CERS5: variants seen among roughly 807,000 people sequenced by gnomAD.
CERS5 encodes ceramide synthase 5, also known as LAG1 homolog, ceramide synthase 5.
CERS5 carries 37 observed loss-of-function variants against 58.9 expected under a neutral mutation model. That is an observed-to-expected ratio of 0.63 (90% CI 0.48 to 0.83). CERS5 has a LOEUF of 0.83. Among genes scored for constraint, CERS5 ranks in the 40% least tolerant of loss-of-function variants. The pLI is 0.00. For missense variants in CERS5, 398 were observed against 489.3 expected (o/e 0.81, Z 1.76); for synonymous variants, 147 against 177.8 (o/e 0.83, Z 1.38).
intron 1 of CERS5, chr12:50,144,470 A>G: frequency 3.3e-6 from 1 of 298,866 alleles, no homozygotes; most frequent in East Asian, 6.0e-5. Flanking sequence ...GATAATGTAT[A>G]TGAAAGACCC....
intron 1 of CERS5, among the ~76,000 whole-genome samples, chr12:50,155,823 C>T (rs1252598134): frequency 2.0e-5 from 3 of 149,584 alleles, no homozygotes; most frequent in South Asian, 4.2e-4. Context: ...AATTAGTGGC[C>T]GGGCATGGTG....
rs759022271 is a variant in CERS5, at chr12:50,137,724, T to A, written c.636+4A>T. 4 of 1,564,016 alleles carry A rather than the reference T, an allele frequency of 2.6e-6. No homozygotes were observed. Among genetic ancestry groups the A allele is most frequent in the Non-Finnish European group, 3.5e-6 (4 of 1,137,710 alleles). ...TGGGGAATTGAGGGAGCCAACGTCC[T>A]TACCTTTCTTTTAATGTCTGTAAAC... On this transcript the variant is annotated splice_donor_region_variant and intron_variant, in intron 6 of 9. Transcript: ENST00000317551.
rs778080098 is a variant in CERS5, at chr12:50,134,619, G to A, written c.956C>T (p.Thr319Ile). The change falls in exon 9 of 10, where the codon ACC becomes ATC. Residue 319 changes from threonine (T) to isoleucine (I), a missense_variant. Coordinates refer to ENST00000317551, the MANE Select transcript of CERS5 (RefSeq NM_147190.5). The stretch of plus-strand genomic sequence containing the variant: ...CCAGATGACATGCAGAAGCTGTAGG[G>A]TCAGCAGCAGGCCATTGAGGAGCCA... ...SWWLLNGLLL[T>I]LQLLHVIWSY... 71 of 1,614,004 alleles carry A rather than the reference G, an allele frequency of 4.4e-5. No homozygotes were observed. Among genetic ancestry groups the A allele is most frequent in the Non-Finnish European group, 5.8e-5 (68 of 1,180,016 alleles).
At chr12:50,164,532 G>A (rs1286588987) in intron 1 of CERS5, among the ~76,000 whole-genome samples, 1 of 152,144 alleles carries the variant, frequency 6.6e-6, no homozygotes, top group Non-Finnish European at 1.5e-5. Flanking sequence ...TGAGGTAATG[G>A]GTCTTAAAAG....
Position 50,144,066 on chromosome 12 carries a change from G to A in CERS5, c.198-9C>T, listed in dbSNP as rs577358469. On this transcript the variant is annotated splice_polypyrimidine_tract_variant and intron_variant, in intron 1 of 9. Coordinates refer to ENST00000317551, the MANE Select transcript of CERS5 (RefSeq NM_147190.5). The stretch of plus-strand genomic sequence containing the variant: ...AGGGTTTGGCAATAAATCTGTAATG[G>A]AGAAAACCCACGGGCCAATTCTTTT... 2.7e-5 allele frequency: 41 copies of A among 1,537,296 alleles called. No homozygotes were observed. The African/African-American group carries it at 4.7e-4, about 17-fold the overall frequency.
rs1430232350 is a variant in CERS5, at chr12:50,129,443, T to G, written c.*1102A>C. The stretch of plus-strand genomic sequence containing the variant: ...CTTTCAAAAGCATATTCATTCATAT[T>G]TCACAACAATATTAGTCTATTCAAT... On this transcript the variant is annotated 3_prime_UTR_variant, in exon 10 of 10. Coordinates refer to ENST00000317551, the MANE Select transcript of CERS5 (RefSeq NM_147190.5). 2 of 152,150 alleles carry G rather than the reference T, an allele frequency of 1.3e-5. No individual in the cohort carries two copies. The highest frequency in any genetic ancestry group is 2.9e-5 in the Non-Finnish European group (2 of 68,034). 9.4% of individuals were successfully genotyped at this position (152,150 alleles called of 1,614,324 possible).
In CERS5 at chr12:50,163,750, A is replaced by G. The variant is rs182032078; in HGVS notation, c.197+3351T>C. 3.5e-3 allele frequency among the ~76,000 whole-genome samples: 533 copies of G among 152,172 alleles called. 4 individuals are homozygous for G. Among genetic ancestry groups the G allele is most frequent in the Non-Finnish European group, 4.7e-3 (322 of 68,002 alleles). ...AGTCTCAACCTCCCGGGTTCAAGCA[A>G]TCCTCCTGCCTCAGCCTCCCAAGTA... On this transcript the variant is annotated intron_variant, in intron 1 of 9. Transcript: ENST00000317551.
In CERS5 at chr12:50,137,793, A is replaced by T; in HGVS notation, c.571T>A (p.Tyr191Asn). Residue 191 changes from tyrosine to asparagine, a missense_variant, in exon 6 of 10, where the codon TAT (tyrosine) becomes AAT (asparagine). Around this residue, in one of 3 missense-constraint regions of CERS5, gnomAD observed 328 missense variants for 384.5 expected, o/e 0.85. Coordinates refer to ENST00000317551, the MANE Select transcript of CERS5 (RefSeq NM_147190.5). The part of the protein sequence containing the change: ...QPLSSGLYHY[Y>N]IMELAFYWSL... ...CAATAGAAGGCCAATTCCATGATAT[A>T]ATAGTGATAAAGCCCACTTGAAAGA... is the stretch of plus-strand genomic sequence containing the variant. 6.2e-7 allele frequency: 1 copy of T among 1,608,044 alleles called. No individual in the cohort carries two copies. The highest frequency in any genetic ancestry group is 8.5e-7 in the Non-Finnish European group (1 of 1,174,970).
At chr12:50,133,485 A>G in intron 9 of CERS5, 1 of 991,572 alleles carries the variant, frequency 1.0e-6, no homozygotes, top group Non-Finnish European at 1.2e-6. Context: ...CATATCTTGA[A>G]TATCACAGCA....
chr12:50,143,575 T>C (rs529231095), intron 2 of CERS5: 40 of 248,668 alleles, frequency 1.6e-4, no homozygotes, highest in Non-Finnish European at 7.7e-6. Flanking sequence ...GGCAAAACCT[T>C]GTCTCTCCAA....
intron 9 of CERS5, among the ~76,000 whole-genome samples, chr12:50,132,412 T>C (rs1042054566): frequency 3.8e-5 from 5 of 132,720 alleles, no homozygotes; most frequent in African/African-American, 1.2e-4. Flanking sequence ...CAAAAATAAA[T>C]AAATAAAAAT....
chr12:50,144,797 A>G lies in CERS5; in HGVS notation c.198-740T>C, dbSNP rs181240316. The G allele has an allele frequency of 1.1e-3, 1,683 of 1,528,852 alleles. 1 individual carries two copies. Among genetic ancestry groups the G allele is most frequent in the Admixed American group, 2.1e-3 (104 of 50,234 alleles). 94.7% of individuals were successfully genotyped at this position (1,528,852 alleles called of 1,614,324 possible). Reference sequence around the variant, plus strand: ...TTGGGTCTTGGTTTCATCATCTAAAAGAAGAGGTTATATCAAGCAGAGTCC... The same window carrying G: ...TTGGGTCTTGGTTTCATCATCTAAAGGAAGAGGTTATATCAAGCAGAGTCC... On this transcript the variant is annotated intron_variant, in intron 1 of 9. Coordinates refer to ENST00000317551, the MANE Select transcript of CERS5 (RefSeq NM_147190.5).
chr12:50,138,062 C>A (rs1951779210), intron 5 of CERS5, among the ~76,000 whole-genome samples: 1 of 152,206 alleles, frequency 6.6e-6, no homozygotes. Flanking sequence ...ACAGTTAACA[C>A]ATACTGTAAC....
intron 1 of CERS5, chr12:50,166,048 T>C (rs1939840890): frequency 2.4e-6 from 1 of 419,804 alleles, no homozygotes; most frequent in Admixed American, 2.6e-5. Flanking sequence ...CAAGGCCGGG[T>C]GCGGTGGCTC....
intron 1 of CERS5, among the ~76,000 whole-genome samples, chr12:50,160,847 A>C (rs1338861711): frequency 1.3e-5 from 2 of 152,232 alleles, no homozygotes; most frequent in East Asian, 1.9e-4. Flanking sequence ...AGACTTTCTT[A>C]TCTCTCTTTT....
At chr12:50,140,604 T>C (rs538672585) in intron 4 of CERS5, among the ~76,000 whole-genome samples, 94 of 152,242 alleles carry the variant, frequency 6.2e-4, no homozygotes, top group African/African-American at 2.2e-3. Flanking sequence ...ATGTTTTCCA[T>C]GTCTCTCATT....
chr12:50,140,284 A>ATTTTTTTT lies in CERS5; in HGVS notation c.493-1675_493-1668dup, dbSNP rs57651378. ...TTGAGAAGAGTTGTTTAACTTCCAAATTTTTTTTTTTTTTTTTTTTTTTTT... is the reference window on the plus strand; with the variant it reads ...TTGAGAAGAGTTGTTTAACTTCCAAATTTTTTTTTTTTTTTTTTTTTTTTTTTTTTTTT... On this transcript the variant is annotated intron_variant, in intron 4 of 9. Coordinates refer to ENST00000317551, the MANE Select transcript of CERS5 (RefSeq NM_147190.5). 9.9e-4 allele frequency among the ~76,000 whole-genome samples: 95 copies of ATTTTTTTT among 96,242 alleles called. 5 individuals carry two copies. Among genetic ancestry groups the ATTTTTTTT allele is most frequent in the African/African-American group, 3.6e-3 (81 of 22,346 alleles). 63.1% of individuals were successfully genotyped at this position (96,242 alleles called of 152,430 possible).
At chr12:50,134,071 G>GAAAAAAAAAA (rs57888855) in intron 9 of CERS5, 5 of 79,676 alleles carry the variant, frequency 6.3e-5, no homozygotes, top group South Asian at 5.2e-4. Context: ...GATTCCATCT[G>GAAAAAAAAAA]AAAAAAAAAA....
chr12:50,132,104 C>CT (rs1951359473), intron 9 of CERS5, among the ~76,000 whole-genome samples: 1 of 120,410 alleles, frequency 8.3e-6, no homozygotes, highest in South Asian at 2.8e-4. Context: ...AACCTTGTCT[C>CT]TAAAAAAAAA....
Sources: allele counts gnomAD v4.1 joint callset (sites outside exome capture counted in the v4.1 genomes callset), GRCh38; gene constraint gnomAD v4.1.1; regional missense constraint gnomAD v4.1.1; transcripts MANE v1.5; gene names NCBI Gene and HGNC (gene_info 2026-07-23, HGNC 2026-07-21).